The following DDHD1 variants were observed in gnomAD, a reference collection of about 807,000 sequenced individuals.
DDHD1 encodes the protein DDHD domain containing 1.
In DDHD1, 49 loss-of-function variants were observed where a neutral mutation model predicts 96.4. The ratio of observed to expected loss-of-function variants is 0.51; its 90% confidence interval spans 0.40 to 0.64. DDHD1 has a LOEUF of 0.64. Ranked by LOEUF, DDHD1 falls within the 30% of genes least tolerant of loss-of-function variation. DDHD1 has a pLI of 0.00. For synonymous variants in DDHD1, 442 were observed against 446.5 expected, an observed-to-expected ratio of 0.99 and a Z score of 0.13; for missense variants, 1,106 against 1,161.2, an observed-to-expected ratio of 0.95 and a Z score of 0.69.
At chr14:53,073,209 G>A (rs1405326824) in intron 5 of DDHD1, among the ~76,000 whole-genome samples, 1 of 151,902 alleles carries the variant, frequency 6.6e-6, no homozygotes, top group Non-Finnish European at 1.5e-5. Flanking sequence ...AGCTCTTTAA[G>A]GAAGACAACT....
chr14:53,146,899 CTG>C (rs1891024344), intron 1 of DDHD1, among the ~76,000 whole-genome samples: 2 of 149,600 alleles, frequency 1.3e-5, no homozygotes, highest in South Asian at 2.1e-4. Flanking sequence ...AGAAGGGACT[CTG>C]TATATCTGTA....
In DDHD1 at chr14:53,134,292, G is replaced by T. The variant is rs184630074; in HGVS notation, c.838+17969C>A. 6.4e-4 allele frequency among the ~76,000 whole-genome samples: 97 copies of T among 152,144 alleles called. 1 individual carries two copies. Among genetic ancestry groups the T allele is most frequent in the Admixed American group, 4.8e-3 (73 of 15,276 alleles). ...ACTTTTCCTCCAAACCATCATAGCG[G>T]ATATCTCCTGGTACTATCCCCAATC... On this transcript the variant is annotated intron_variant, in intron 1 of 12. Transcript: ENST00000673822.
intron 11 of DDHD1, among the ~76,000 whole-genome samples, chr14:53,052,129 A>G (rs919829643): frequency 1.3e-5 from 2 of 152,060 alleles, no homozygotes; most frequent in Non-Finnish European, 2.9e-5. Context: ...ATATAATCTC[A>G]TAATCTGTTA....
At chr14:53,075,790 C>G (rs904710683) in intron 4 of DDHD1, among the ~76,000 whole-genome samples, 95 of 152,244 alleles carry the variant, frequency 6.2e-4, no homozygotes, top group African/African-American at 2.2e-3. Context: ...ACTGACCATC[C>G]CAAATAGCCT....
intron 6 of DDHD1, 98 bp from the exon 7 acceptor site, chr14:53,063,303 A>G (rs1883755345): frequency 7.3e-7 from 1 of 1,366,758 alleles, no homozygotes; most frequent in African/African-American, 1.5e-5. Context: ...AACATACATT[A>G]CCGATCAAAT....
intron 12 of DDHD1, among the ~76,000 whole-genome samples, chr14:53,050,843 G>A (rs1285336576): frequency 6.6e-6 from 1 of 152,044 alleles, no homozygotes; most frequent in African/African-American, 2.4e-5. Context: ...GGATGGTTTT[G>A]AGATACTGGA....
At chr14:53,116,311 A>C (rs1227104499) in intron 1 of DDHD1, among the ~76,000 whole-genome samples, 2 of 152,220 alleles carry the variant, frequency 1.3e-5, no homozygotes, top group Non-Finnish European at 2.9e-5. Flanking sequence ...TATTAGACGG[A>C]TCAATGAGAC....
chr14:53,120,388 A>C (rs1295449308), intron 1 of DDHD1, among the ~76,000 whole-genome samples: 1 of 152,204 alleles, frequency 6.6e-6, no homozygotes, highest in Non-Finnish European at 1.5e-5. Flanking sequence ...GTAGTTTATA[A>C]ATTCAATGAT....
rs1450088082 is a variant in DDHD1, at chr14:53,140,139, A to G, written c.838+12122T>C. 3.9e-5 allele frequency among the ~76,000 whole-genome samples: 6 copies of G among 152,330 alleles called. 1 individual carries two copies. The East Asian group carries it at 7.7e-4, about 20-fold the overall frequency. On this transcript the variant is annotated intron_variant, in intron 1 of 12. Transcript: ENST00000673822. ...ATAAAAATTATGCAAATAGAAATAC[A>G]AAGAAAAAAAAGAGTGGGGGAAAAA... is the stretch of plus-strand genomic sequence containing the variant.
intron 4 of DDHD1, among the ~76,000 whole-genome samples, chr14:53,089,005 C>A (rs1416357676): frequency 6.6e-6 from 1 of 152,188 alleles, no homozygotes; most frequent in South Asian, 2.1e-4. Flanking sequence ...GCAAAAATCA[C>A]AAGCATTCTT....
At chr14:53,148,583 G>A (rs1891153607) in intron 1 of DDHD1, among the ~76,000 whole-genome samples, 1 of 152,186 alleles carries the variant, frequency 6.6e-6, no homozygotes, top group Non-Finnish European at 1.5e-5. Context: ...AAAGTGCTGG[G>A]ATTACAGGCA....
At chr14:53,139,727 G>A (rs143427540) in intron 1 of DDHD1, among the ~76,000 whole-genome samples, 3 of 151,690 alleles carry the variant, frequency 2.0e-5, no homozygotes, top group African/African-American at 7.3e-5. Context: ...AAAAAACAAG[G>A]CGTGCCTATT....
rs1881966613 is a variant in DDHD1, at chr14:53,045,792, G to A, written c.*976C>T. 6.6e-6 allele frequency: 1 copy of A among 152,128 alleles called. No individual in the cohort carries two copies. Among genetic ancestry groups the A allele is most frequent in the African/African-American group, 2.4e-5 (1 of 41,412 alleles). The allele number at this position is 152,128 out of a possible 1,614,324, so 9.4% of individuals were successfully genotyped here. Reference sequence around the variant, plus strand: ...TCTCAATGGCACATTGAGAAACAATGTGCACTAGTTAGTGGCATCACATCC... The same window carrying A: ...TCTCAATGGCACATTGAGAAACAATATGCACTAGTTAGTGGCATCACATCC... On this transcript the variant is annotated 3_prime_UTR_variant, in exon 13 of 13. Transcript: ENST00000673822.
intron 4 of DDHD1, among the ~76,000 whole-genome samples, chr14:53,082,501 G>C (rs1045903599): frequency 2.2e-5 from 3 of 137,832 alleles, no homozygotes; most frequent in Non-Finnish European, 3.0e-5. Context: ...GCTCACGCCT[G>C]TGATCCCAGC....
chr14:53,039,987 A>G lies in DDHD1; in HGVS notation c.*6781T>C, dbSNP rs1268486688. The G allele has an allele frequency of 6.6e-6, 1 of 152,108 alleles. No homozygotes were observed. Among genetic ancestry groups the G allele is most frequent in the Non-Finnish European group, 1.5e-5 (1 of 68,048 alleles). 9.4% of individuals were successfully genotyped at this position (152,108 alleles called of 1,614,324 possible). ...TGTAGTCCTTATAGCCTGGCCACGT[A>G]TTTCTCATCTAAGGTCAGCACCACC... On this transcript the variant is annotated 3_prime_UTR_variant, in exon 13 of 13. Transcript: ENST00000673822.
chr14:53,152,231 G>C (rs1226928101), intron 1 of DDHD1, 30 bp downstream of exon 1: 6 of 1,566,232 alleles, frequency 3.8e-6, no homozygotes, highest in Middle Eastern at 1.7e-4. Flanking sequence ...GGGGCAGCCC[G>C]TCCTGCCCTA....
At chr14:53,115,314 T>G (rs1231492292) in intron 1 of DDHD1, among the ~76,000 whole-genome samples, 1 of 152,100 alleles carries the variant, frequency 6.6e-6, no homozygotes, top group Non-Finnish European at 1.5e-5. Context: ...CAGGACATTA[T>G]CCAGGAGAAC....
rs899233237 is a variant in DDHD1, at chr14:53,046,216, G to A, written c.*552C>T. Reference sequence around the variant, plus strand: ...ATACACTGAAATAAAGCAATTAGAGGTAATAAATTATAAATACAGTAGTTC... The same window carrying A: ...ATACACTGAAATAAAGCAATTAGAGATAATAAATTATAAATACAGTAGTTC... On this transcript the variant is annotated 3_prime_UTR_variant, in exon 13 of 13. Transcript: ENST00000673822. 1 of 152,088 alleles carries A rather than the reference G, an allele frequency of 6.6e-6. No individual in the cohort carries two copies. Among genetic ancestry groups the A allele is most frequent in the African/African-American group, 2.4e-5 (1 of 41,418 alleles). 9.4% of individuals were successfully genotyped at this position (152,088 alleles called of 1,614,324 possible).
chr14:53,127,582 G>A (rs1170183845), intron 1 of DDHD1, among the ~76,000 whole-genome samples: 2 of 152,230 alleles, frequency 1.3e-5, no homozygotes, highest in African/African-American at 4.8e-5. Flanking sequence ...GACTAACCGT[G>A]AAGAATCCTC....
Sources: gnomAD v4.1 joint callset for allele counts (sites outside exome capture counted in the v4.1 genomes callset) on GRCh38, gnomAD v4.1.1 for gene constraint, MANE v1.5 for transcripts, NCBI Gene and HGNC (gene_info 2026-07-23, HGNC 2026-07-21) for gene names.